NIBAN1: variants seen among roughly 807,000 people sequenced by gnomAD.
NIBAN1 encodes the protein niban apoptosis regulator 1.
Under a neutral mutation model 75.1 loss-of-function variants are expected in NIBAN1, and 81 were observed. That is an observed-to-expected ratio of 1.08 (90% CI 0.90 to 1.30). The LOEUF (loss-of-function observed/expected upper bound fraction) is 1.30. NIBAN1 is among the 50% of genes most tolerant of loss of function. The pLI is 0.00. For missense variants in NIBAN1, 1,133 were observed against 1,128.1 expected, an observed-to-expected ratio of 1.00 and a Z score of -0.06; for synonymous variants, 436 against 424.8, an observed-to-expected ratio of 1.03 and a Z score of -0.32.
chr1:184,797,500 T>C (rs1033896330), intron 13 of NIBAN1, among the ~76,000 whole-genome samples: 1 of 151,962 alleles, frequency 6.6e-6, no homozygotes, highest in African/African-American at 2.4e-5. Flanking sequence ...AGGCAAGGCA[T>C]GATTCCTGAG....
At chr1:184,879,157 G>T (rs190005085) in intron 5 of NIBAN1, among the ~76,000 whole-genome samples, 42 of 152,316 alleles carry the variant, frequency 2.8e-4, no homozygotes, top group African/African-American at 9.4e-4. Context: ...TTTATTAACA[G>T]TAACTAGCAA....
chr1:184,893,179 A>C (rs1656716487), intron 3 of NIBAN1, among the ~76,000 whole-genome samples: 1 of 152,178 alleles, frequency 6.6e-6, no homozygotes, highest in Non-Finnish European at 1.5e-5. Context: ...TTGAGGGTCT[A>C]TGCAGACTAA....
intron 6 of NIBAN1, among the ~76,000 whole-genome samples, chr1:184,829,340 C>A (rs1193622570): frequency 6.6e-6 from 1 of 152,100 alleles, no homozygotes; most frequent in Non-Finnish European, 1.5e-5. Context: ...TCTCGCCTCA[C>A]CATGATGGCA....
rs76216619 is a variant in NIBAN1, at chr1:184,955,952, G to C, written c.55+18350C>G. Among the ~76,000 whole-genome samples, 593 of 152,104 alleles carry C rather than the reference G, an allele frequency of 3.9e-3. 10 individuals carry two copies. In the East Asian group the frequency reaches 0.047, roughly 12 times the overall value. ...GCCCTTATCTGCAGATGTATGCACA[G>C]TGTCCACTTAGTGTCTTTGTGGCCC... On this transcript the variant is annotated intron_variant, in intron 1 of 13. Coordinates refer to ENST00000367511, the MANE Select transcript of NIBAN1 (RefSeq NM_052966.4).
chr1:184,874,374 C>A (rs928032742), intron 5 of NIBAN1, among the ~76,000 whole-genome samples: 21 of 151,846 alleles, frequency 1.4e-4, no homozygotes, highest in African/African-American at 4.4e-4. Flanking sequence ...GATGATATAT[C>A]CTTTAAATGA....
chr1:184,883,762 AGAAT>A lies in NIBAN1; in HGVS notation c.601+867_601+870del, dbSNP rs534836990. 3.8e-3 allele frequency among the ~76,000 whole-genome samples: 584 copies of A among 152,272 alleles called. 4 individuals are homozygous for A. Among genetic ancestry groups the A allele is most frequent in the African/African-American group, 0.014 (564 of 41,558 alleles). The stretch of plus-strand genomic sequence containing the variant: ...TCAGAATATCTGGGGGTGAAGCCTA[AGAAT>A]GTGTGTTTTAATTAAGTTCTCCTGG... On this transcript the variant is annotated intron_variant, in intron 5 of 13. Coordinates refer to ENST00000367511, the MANE Select transcript of NIBAN1 (RefSeq NM_052966.4).
At chr1:184,932,210 T>C (rs1657841796) in intron 1 of NIBAN1, among the ~76,000 whole-genome samples, 1 of 152,220 alleles carries the variant, frequency 6.6e-6, no homozygotes, top group Non-Finnish European at 1.5e-5. Flanking sequence ...TTTGGGATGA[T>C]TCAAGTGTAT....
rs770901821 is a variant in NIBAN1 at position 184,857,404 on chromosome 1, C to A, written c.602-25442G>T. 3.9e-5 allele frequency among the ~76,000 whole-genome samples: 6 copies of A among 152,182 alleles called. No homozygotes were observed. The East Asian group carries it at 9.7e-4, about 24-fold the overall frequency. ...ATCTATTCCCGTGAGTGTGAGTGGGCCTTCAAAATGAATGTTTTGGATCCC... is the reference window on the plus strand; with the variant it reads ...ATCTATTCCCGTGAGTGTGAGTGGGACTTCAAAATGAATGTTTTGGATCCC... On this transcript the variant is annotated intron_variant, in intron 5 of 13. Transcript: ENST00000367511.
At chr1:184,861,540 G>A (rs1655814437) in intron 5 of NIBAN1, among the ~76,000 whole-genome samples, 1 of 150,034 alleles carries the variant, frequency 6.7e-6, no homozygotes, top group Non-Finnish European at 1.5e-5. Flanking sequence ...GAGGAAGGGA[G>A]GAAGGGAGGG....
At chr1:184,884,316 C>T (rs112687539) in intron 5 of NIBAN1, among the ~76,000 whole-genome samples, 72 of 150,592 alleles carry the variant, frequency 4.8e-4, no homozygotes, top group African/African-American at 1.7e-3. Flanking sequence ...CTCTGCCTCC[C>T]GGGTTCAAGT....
At chr1:184,933,178 C>A (rs1248323715) in intron 1 of NIBAN1, among the ~76,000 whole-genome samples, 2 of 152,248 alleles carry the variant, frequency 1.3e-5, no homozygotes, top group Non-Finnish European at 2.9e-5. Context: ...GCATGACCTA[C>A]ACCTTACCAT....
intron 1 of NIBAN1, among the ~76,000 whole-genome samples, chr1:184,901,732 C>T (rs1329599564): frequency 6.6e-6 from 1 of 152,150 alleles, no homozygotes; most frequent in Non-Finnish European, 1.5e-5. Flanking sequence ...TGCCACATCA[C>T]CAAGCCTCCC....
chr1:184,963,751 G>T (rs544612139), intron 1 of NIBAN1, among the ~76,000 whole-genome samples: 1 of 152,254 alleles, frequency 6.6e-6, no homozygotes, highest in South Asian at 2.1e-4. Flanking sequence ...CTTTAAGGAT[G>T]AAAGAAAAGC....
At chr1:184,894,003 G>C in intron 3 of NIBAN1, 72 bp downstream of exon 3, 2 of 1,468,690 alleles carry the variant, frequency 1.4e-6, no homozygotes, top group South Asian at 2.8e-5. Flanking sequence ...AGGAAGGAGA[G>C]GGCACACCAA....
intron 1 of NIBAN1, among the ~76,000 whole-genome samples, chr1:184,967,227 G>A (rs1466934119): frequency 6.6e-6 from 1 of 151,864 alleles, no homozygotes; most frequent in Non-Finnish European, 1.5e-5. Context: ...CTCTGTGTGT[G>A]TGTGTGTGTG....
chr1:184,885,241 G>T (rs553130762), intron 4 of NIBAN1, among the ~76,000 whole-genome samples: 2 of 152,184 alleles, frequency 1.3e-5, no homozygotes, highest in South Asian at 2.1e-4. Flanking sequence ...TAGAGACAGG[G>T]TTTCACCTTG....
intron 1 of NIBAN1, among the ~76,000 whole-genome samples, chr1:184,928,584 C>G (rs1158811762): frequency 1.3e-5 from 2 of 152,168 alleles, no homozygotes; most frequent in Non-Finnish European, 2.9e-5. Flanking sequence ...CTGAGTTCTT[C>G]CTGGCATTGC....
intron 9 of NIBAN1, among the ~76,000 whole-genome samples, chr1:184,817,242 C>T (rs192084271): frequency 9.7e-4 from 147 of 152,166 alleles, no homozygotes; most frequent in Non-Finnish European, 1.7e-3. Flanking sequence ...CCATGGTGTA[C>T]ATGCCACATT....
At chr1:184,803,545 G>A (rs1258825713) in intron 12 of NIBAN1, 40 bp downstream of exon 12, 6 of 1,518,776 alleles carry the variant, frequency 4.0e-6, no homozygotes, top group Non-Finnish European at 5.5e-6. Context: ...AACTTCAGAG[G>A]TAAGAAGAGC....
Sources: allele counts gnomAD v4.1 joint callset (sites outside exome capture counted in the v4.1 genomes callset), GRCh38; gene constraint gnomAD v4.1.1; transcripts MANE v1.5; gene names NCBI Gene and HGNC (gene_info 2026-07-23, HGNC 2026-07-21).